SYTL5: variants seen among roughly 807,000 people sequenced by gnomAD.
The protein encoded by SYTL5 is synaptotagmin like 5.
SYTL5 carries 34 observed loss-of-function variants against 55.9 expected under a neutral mutation model. The observed-to-expected ratio is 0.61, with a 90% CI of 0.46 to 0.81. The LOEUF (loss-of-function observed/expected upper bound fraction) is 0.81. SYTL5 is among the 30% of genes least tolerant of loss of function. The pLI, the probability that SYTL5 is intolerant of heterozygous loss-of-function variation, is 0.00. For missense variants in SYTL5, 637 were observed against 546.7 expected (o/e 1.17, Z -1.65); for synonymous variants, 221 against 188.7 (o/e 1.17, Z -1.40).
chrX:38,107,353 C>T (rs1937246870), intron 11 of SYTL5, among the ~76,000 whole-genome samples: 2 of 111,872 alleles, frequency 1.8e-5, no homozygotes, highest in South Asian at 7.5e-4. Context: ...AGAGATCAGG[C>T]TCAAGCTTTG....
Position 38,108,952 on chromosome X carries a change from C to T in SYTL5, c.1434+253C>T, listed in dbSNP as rs1937288784. 2.7e-5 allele frequency among the ~76,000 whole-genome samples: 3 copies of T among 112,504 alleles called. No homozygotes were observed. In the South Asian group the frequency reaches 1.1e-3, roughly 42 times the overall value. ...GAGTAGAGAGGATCCAGCCAAACTG[C>T]ATCGGTGCTGATGCTTCTTGCTAAA... On this transcript the variant is annotated intron_variant, in intron 12 of 16. Transcript: ENST00000297875.
In SYTL5 at chrX:38,102,417, G is replaced by C. The variant is rs370444363; in HGVS notation, c.1138G>C (p.Ala380Pro). 8.3e-6 allele frequency: 10 copies of C among 1,200,784 alleles called. No individual in the cohort carries two copies. The highest frequency in any genetic ancestry group is 1.0e-5 in the Non-Finnish European group (9 of 887,135). The change falls in exon 10 of 17, where the codon GCA becomes CCA. Residue 380 changes from alanine (A) to proline (P), a missense_variant. Coordinates refer to ENST00000297875, the MANE Select transcript of SYTL5 (RefSeq NM_138780.3). ...GTTATCTACAAACACTCACCGTCTG[G>C]CAAGTGGCCTATCAACTGTAAGCAG... ...SQLSTNTHRL[A>P]SGLSTTSLNS...
the SYTL5 span, among the ~76,000 whole-genome samples, chrX:37,937,047 C>CA: frequency 8.1e-4 from 63 of 77,894 alleles, no homozygotes; most frequent in African/African-American, 2.1e-3. Context: ...AAGACTGTCT[C>CA]AAAAAAAAAA....
At chrX:38,101,495 A>C (rs1937082957) in intron 9 of SYTL5, among the ~76,000 whole-genome samples, 1 of 111,130 alleles carries the variant, frequency 9.0e-6, no homozygotes, top group Non-Finnish European at 1.9e-5. Flanking sequence ...ATAAACAAGG[A>C]GAAAGACATG....
At chrX:38,007,156 TTTAA>T (rs1934018197) in intron 1 of SYTL5, among the ~76,000 whole-genome samples, 3 of 111,937 alleles carry the variant, frequency 2.7e-5, no homozygotes, top group African/African-American at 6.5e-5. Flanking sequence ...TTTGGAATTA[TTTAA>T]TTGTTTTTAC....
the SYTL5 span, among the ~76,000 whole-genome samples, chrX:37,916,654 T>C: frequency 8.9e-6 from 1 of 112,301 alleles, no homozygotes; most frequent in African/African-American, 3.2e-5. Flanking sequence ...GACTGATTGA[T>C]TTTAATTATT....
intron 3 of SYTL5, among the ~76,000 whole-genome samples, chrX:38,059,370 T>C (rs1163803547): frequency 8.9e-6 from 1 of 111,889 alleles, no homozygotes; most frequent in Non-Finnish European, 1.9e-5. Context: ...ATGGTAGGAC[T>C]TAATGAGACT....
At chrX:37,920,744 G>A in the SYTL5 span, among the ~76,000 whole-genome samples, 1 of 111,023 alleles carries the variant, frequency 9.0e-6, no homozygotes, top group Non-Finnish European at 1.9e-5. Flanking sequence ...CTGGAGGATA[G>A]ACCGATTTGC....
chrX:38,066,915 A>G (rs1936114241), intron 3 of SYTL5, among the ~76,000 whole-genome samples: 1 of 111,882 alleles, frequency 8.9e-6, no homozygotes, highest in Non-Finnish European at 1.9e-5. Context: ...TGGTAATGGT[A>G]ATAGATACTT....
chrX:37,980,611 A>C, the SYTL5 span, among the ~76,000 whole-genome samples: 1 of 112,378 alleles, frequency 8.9e-6, no homozygotes, highest in African/African-American at 3.2e-5. Context: ...CTTCAAACTT[A>C]GTGAAATGGA....
intron 3 of SYTL5, among the ~76,000 whole-genome samples, chrX:38,056,703 C>T (rs1042276656): frequency 1.8e-5 from 2 of 111,793 alleles, no homozygotes; most frequent in African/African-American, 3.2e-5. Context: ...ATGCATTTAT[C>T]TGATGATCAA....
chrX:38,126,726 T>C lies in SYTL5; in HGVS notation c.2189T>C (p.Leu730Pro). Reference protein sequence around the residue: ...MLRSSMGKCRL With the variant: ...MLRSSMGKCRP ...CGTTCCAGCATGGGAAAATGTAGGCTCTAAAGGGACCAGTTCTCCAAGAAT... is the reference window on the plus strand; with the variant it reads ...CGTTCCAGCATGGGAAAATGTAGGCCCTAAAGGGACCAGTTCTCCAAGAAT... The change falls in exon 17 of 17, where the codon CTC (leucine) becomes CCC (proline). Residue 730 changes from leucine to proline, a missense_variant. Physicochemically the swap from Leu to Pro is moderately conservative, Grantham distance 98. Coordinates refer to ENST00000297875, the MANE Select transcript of SYTL5 (RefSeq NM_138780.3). 8.3e-7 allele frequency: 1 copy of C among 1,207,020 alleles called. No homozygotes were observed. The highest frequency in any genetic ancestry group is 2.4e-4 in the Middle Eastern group (1 of 4,206).
At chrX:38,099,954 G>A (rs1179185856) in intron 9 of SYTL5, among the ~76,000 whole-genome samples, 1 of 111,235 alleles carries the variant, frequency 9.0e-6, no homozygotes, top group East Asian at 2.8e-4. Context: ...TTCATGTGCT[G>A]TTGAATTCAG....
intron 6 of SYTL5, among the ~76,000 whole-genome samples, chrX:38,087,749 G>C (rs905757593): frequency 2.7e-5 from 3 of 111,505 alleles, no homozygotes; most frequent in Non-Finnish European, 5.6e-5. Flanking sequence ...TGCAAAACCT[G>C]CCTGGCTGGA....
rs780142737 is a variant in SYTL5, at chrX:38,033,532, A to G, written c.-356-2A>G. 8.4e-6 allele frequency: 1 copy of G among 118,684 alleles called. No homozygotes were observed. The highest frequency in any genetic ancestry group is 3.2e-5 in the African/African-American group (1 of 31,662). The allele number at this position is 118,684 out of a possible 1,213,427, so 9.8% of individuals were successfully genotyped here. ...TCCTCTTTTTTTTCTCCACCGTCTT[A>G]GTGTTTTCTGCATTCTCTCCCAGCG... On this transcript the variant is annotated splice_acceptor_variant, in intron 1 of 16. Coordinates refer to ENST00000297875, the MANE Select transcript of SYTL5 (RefSeq NM_138780.3). LOFTEE classifies it low-confidence loss of function (5UTR_SPLICE).
intron 2 of SYTL5, among the ~76,000 whole-genome samples, chrX:38,044,741 T>C (rs1391078619): frequency 8.9e-6 from 1 of 112,079 alleles, no homozygotes; most frequent in Non-Finnish European, 1.9e-5. Flanking sequence ...ATTTATCATA[T>C]TGATAACAAG....
At chrX:38,087,614 C>T (rs1287426920) in intron 6 of SYTL5, among the ~76,000 whole-genome samples, 1 of 112,002 alleles carries the variant, frequency 8.9e-6, no homozygotes, top group African/African-American at 3.2e-5. Flanking sequence ...AGAAAAGCCA[C>T]CCTTTAGTAA....
chrX:37,969,079 T>C, the SYTL5 span, among the ~76,000 whole-genome samples: 2 of 111,835 alleles, frequency 1.8e-5, no homozygotes, highest in African/African-American at 6.5e-5. Flanking sequence ...ATTTACTTAG[T>C]TTTATCCGTA....
At chrX:37,933,616 C>A in the SYTL5 span, among the ~76,000 whole-genome samples, 2 of 111,959 alleles carry the variant, frequency 1.8e-5, no homozygotes, top group South Asian at 7.5e-4. Flanking sequence ...AATTGTTGAA[C>A]CTTGAAGCTG....
Sources: gnomAD v4.1 joint callset for allele counts (sites outside exome capture counted in the v4.1 genomes callset) on GRCh38, gnomAD v4.1.1 for gene constraint, MANE v1.5 for transcripts, NCBI Gene and HGNC (gene_info 2026-07-23, HGNC 2026-07-21) for gene names.